EYA4: variants seen among roughly 807,000 people sequenced by gnomAD.
EYA4 encodes protein phosphatase EYA4.
In EYA4, 31 loss-of-function variants were observed where a neutral mutation model predicts 87.9. The ratio of observed to expected loss-of-function variants is 0.35; its 90% CI spans 0.27 to 0.48. The LOEUF is 0.48. Ranked by LOEUF, EYA4 falls within the 20% of genes least tolerant of loss-of-function variation. The probability of loss-of-function intolerance (pLI) is 0.99; values close to 1 mark genes in which losing one functional copy is unlikely to be tolerated. For synonymous variants in EYA4, 263 were observed against 270.6 expected (o/e 0.97, Z 0.28); for missense variants, 678 against 761.4 (o/e 0.89, Z 1.29).
At chr6:133,469,070 T>C (rs989616749) in intron 11 of EYA4, among the ~76,000 whole-genome samples, 1 of 152,084 alleles carries the variant, frequency 6.6e-6, no homozygotes, top group Non-Finnish European at 1.5e-5. Context: ...CTAAAGAGAC[T>C]GCATAAGCCC....
chr6:133,333,618 A>G (rs925814244), intron 2 of EYA4, among the ~76,000 whole-genome samples: 80 of 152,202 alleles, frequency 5.3e-4, no homozygotes, highest in African/African-American at 1.6e-3. Flanking sequence ...TTAAGCATTT[A>G]TTCAGAGTAC....
chr6:133,355,770 G>T (rs1783969926), intron 2 of EYA4, among the ~76,000 whole-genome samples: 1 of 152,120 alleles, frequency 6.6e-6, no homozygotes, highest in South Asian at 2.1e-4. Flanking sequence ...TCAGGATCTT[G>T]AATGTAAAAA....
At chr6:133,427,998 A>C (rs1262436676) in intron 3 of EYA4, among the ~76,000 whole-genome samples, 1 of 152,216 alleles carries the variant, frequency 6.6e-6, no homozygotes, top group Non-Finnish European at 1.5e-5. Context: ...TGCTGATTGT[A>C]CTTGGTGAAC....
intron 3 of EYA4, among the ~76,000 whole-genome samples, chr6:133,413,229 T>G (rs1437016234): frequency 1.3e-5 from 2 of 152,186 alleles, no homozygotes; most frequent in South Asian, 2.1e-4. Context: ...ATTTAAAAAC[T>G]TCTCCACTCT....
At chr6:133,255,239 A>G (rs1173636646) in intron 1 of EYA4, among the ~76,000 whole-genome samples, 1 of 151,894 alleles carries the variant, frequency 6.6e-6, no homozygotes, top group Non-Finnish European at 1.5e-5. Flanking sequence ...TGCTAAAGCA[A>G]GTTTTTTTTT....
At chr6:133,243,142 G>A (rs1045337160) in intron 1 of EYA4, among the ~76,000 whole-genome samples, 2 of 143,756 alleles carry the variant, frequency 1.4e-5, no homozygotes, top group Non-Finnish European at 3.1e-5. Flanking sequence ...CTGTGAGGAG[G>A]TAACAGGACT....
intron 7 of EYA4, among the ~76,000 whole-genome samples, chr6:133,461,697 T>C (rs1209356675): frequency 2.6e-5 from 4 of 152,104 alleles, no homozygotes; most frequent in African/African-American, 9.7e-5. Flanking sequence ...AAATATAGTA[T>C]GTTATTTTCT....
intron 3 of EYA4, among the ~76,000 whole-genome samples, chr6:133,410,944 C>A (rs1170719756): frequency 1.3e-5 from 2 of 152,020 alleles, no homozygotes; most frequent in African/African-American, 4.8e-5. Flanking sequence ...AGCCCTCAGC[C>A]CCTCTGCTGT....
chr6:133,419,016 A>T (rs994183190), intron 3 of EYA4, among the ~76,000 whole-genome samples: 3 of 152,180 alleles, frequency 2.0e-5, no homozygotes, highest in African/African-American at 7.2e-5. Flanking sequence ...CATAGGACAT[A>T]GGGTGGCCTT....
At chr6:133,321,808 C>G (rs148032074) in intron 2 of EYA4, among the ~76,000 whole-genome samples, 14 of 152,120 alleles carry the variant, frequency 9.2e-5, no homozygotes, top group Admixed American at 6.6e-4. Flanking sequence ...GAGCACCACA[C>G]GAGTTCAGTT....
intron 4 of EYA4, 62 bp from the exon 5 acceptor site, chr6:133,448,049 A>T: frequency 7.9e-7 from 1 of 1,262,546 alleles, no homozygotes; most frequent in Non-Finnish European, 1.2e-6. Flanking sequence ...AGCATTGAAG[A>T]TTATTCATAT....
rs1410723243 is a variant in EYA4 at position 133,299,957 on chromosome 6, A to ATC, written c.33+25145_33+25146insCT. ...TATCTATCTATCTATCTATCTATCTATATATATATATATCTTTTGACTACC... is the reference window on the plus strand; with the variant it reads ...TATCTATCTATCTATCTATCTATCTATCTATATATATATATCTTTTGACTACC... On this transcript the variant is annotated intron_variant, in intron 2 of 19. Transcript: ENST00000355286. 5.7e-3 allele frequency among the ~76,000 whole-genome samples: 612 copies of ATC among 107,538 alleles called. 5 individuals carry two copies. Among genetic ancestry groups the ATC allele is most frequent in the African/African-American group, 0.019 (573 of 30,766 alleles). 70.5% of individuals were successfully genotyped at this position (107,538 alleles called of 152,430 possible). A position where few individuals can be genotyped will look rare whatever the true frequency, so the allele number is the denominator to read the frequency against.
intron 1 of EYA4, among the ~76,000 whole-genome samples, chr6:133,266,247 A>G (rs1776214513): frequency 6.6e-6 from 1 of 152,162 alleles, no homozygotes; most frequent in African/African-American, 2.4e-5. Flanking sequence ...AGAGACATAC[A>G]CACACACAAA....
intron 2 of EYA4, among the ~76,000 whole-genome samples, chr6:133,309,248 C>G (rs1277266817): frequency 1.3e-5 from 2 of 151,578 alleles, no homozygotes; most frequent in African/African-American, 4.8e-5. Context: ...AAAAAAATCC[C>G]TAAATGGTGA....
At chr6:133,412,617 C>T (rs1212300499) in intron 3 of EYA4, among the ~76,000 whole-genome samples, 3 of 152,132 alleles carry the variant, frequency 2.0e-5, no homozygotes, top group African/African-American at 7.2e-5. Flanking sequence ...AGTCTCCATT[C>T]GTTTTTGTTT....
At chr6:133,434,506 T>G (rs1445306877) in intron 3 of EYA4, among the ~76,000 whole-genome samples, 2 of 152,164 alleles carry the variant, frequency 1.3e-5, no homozygotes, top group Admixed American at 1.3e-4. Context: ...ATTCACACAT[T>G]AGCCTTCCAG....
At chr6:133,262,694 G>A (rs1203766154) in intron 1 of EYA4, among the ~76,000 whole-genome samples, 1 of 152,198 alleles carries the variant, frequency 6.6e-6, no homozygotes, top group Non-Finnish European at 1.5e-5. Context: ...ACAAAGTAGA[G>A]CTTGTTGTAA....
rs12663749 is a variant in EYA4 at position 133,392,616 on chromosome 6, C to T, written c.83+10175C>T. The stretch of plus-strand genomic sequence containing the variant: ...GCATTACACACTATTTTTTTCATAG[C>T]TTAAACACATTTTCCAAATTTTCTA... On this transcript the variant is annotated intron_variant, in intron 3 of 19. Transcript: ENST00000355286. Among the ~76,000 whole-genome samples, 67 of 152,220 alleles carry T rather than the reference C, an allele frequency of 4.4e-4. No individual in the cohort carries two copies. The East Asian group carries it at 7.0e-3, about 16-fold the overall frequency.
At chr6:133,448,528 C>A (rs924093400) in intron 5 of EYA4, among the ~76,000 whole-genome samples, 1 of 152,190 alleles carries the variant, frequency 6.6e-6, no homozygotes, top group African/African-American at 2.4e-5. Context: ...AGAATGGCCA[C>A]GCATGCAAAC....
Sources: allele counts gnomAD v4.1 joint callset (sites outside exome capture counted in the v4.1 genomes callset), GRCh38; gene constraint gnomAD v4.1.1; transcripts MANE v1.5; gene names NCBI Gene and HGNC (gene_info 2026-07-23, HGNC 2026-07-21).